The following CDKAL1 variants were observed in gnomAD, a reference collection of about 807,000 sequenced individuals.
The protein encoded by CDKAL1 is CDKAL1 threonylcarbamoyladenosine tRNA methylthiotransferase.
A neutral mutation model predicts 68.2 loss-of-function variants in CDKAL1; 32 were observed. That is an observed-to-expected ratio of 0.47 (90% confidence interval 0.35 to 0.63). The LOEUF is 0.63. Among genes scored for constraint, CDKAL1 ranks in the 30% least tolerant of loss-of-function variants. The probability of loss-of-function intolerance (pLI) is 0.00; values close to 1 mark genes in which losing one functional copy is unlikely to be tolerated. For missense variants in CDKAL1, 606 were observed against 696.7 expected, an observed-to-expected ratio of 0.87 and a Z score of 1.47; for synonymous variants, 234 against 244.3, an observed-to-expected ratio of 0.96 and a Z score of 0.39.
At position 20,714,457 on chromosome 6, in the gene CDKAL1, T is replaced by C. The variant is rs148944139; in HGVS notation, c.372-25062T>C. Among the ~76,000 whole-genome samples, 373 of 141,156 alleles carry C rather than the reference T, an allele frequency of 2.6e-3. 5 individuals are homozygous for C. The highest frequency in any genetic ancestry group is 8.9e-3 in the African/African-American group (347 of 38,802). The allele number at this position is 141,156 out of a possible 152,430, so 92.6% of individuals were successfully genotyped here. A position where few individuals can be genotyped will look rare whatever the true frequency, so the allele number is the denominator to read the frequency against. ...AGACTGGAGTGTAGTGGTACAATCA[T>C]AGTTCACTGCAGCCTTGATTTCCCA... is the stretch of plus-strand genomic sequence containing the variant. On this transcript the variant is annotated intron_variant, in intron 5 of 15. Transcript: ENST00000274695.
intron 4 of CDKAL1, among the ~76,000 whole-genome samples, chr6:20,638,363 A>C (rs368110803): frequency 2.4e-4 from 36 of 152,204 alleles, no homozygotes; most frequent in Non-Finnish European, 4.3e-4. Context: ...CTCTCAGTTC[A>C]TATTTGTTGC....
intron 6 of CDKAL1, among the ~76,000 whole-genome samples, chr6:20,740,013 C>G (rs906756110): frequency 6.6e-6 from 1 of 152,184 alleles, no homozygotes; most frequent in Non-Finnish European, 1.5e-5. Flanking sequence ...CCTACCACCA[C>G]AAGTCTCAGC....
rs537205592 is a variant in CDKAL1, at chr6:20,947,069, A to C, written c.743-8350A>C. Among the ~76,000 whole-genome samples, 32 of 152,282 alleles carry C rather than the reference A, an allele frequency of 2.1e-4. 1 individual carries two copies. The highest frequency in any genetic ancestry group is 2.0e-4 in the Admixed American group (3 of 15,292). On this transcript the variant is annotated intron_variant, in intron 9 of 15. Coordinates refer to ENST00000274695, the MANE Select transcript of CDKAL1 (RefSeq NM_017774.3). Reference sequence around the variant, plus strand: ...AGTATCTGGTACATAATAGGTGTTCAACAATTACTTGCTAGAAGGAGTCAA... The same window carrying C: ...AGTATCTGGTACATAATAGGTGTTCCACAATTACTTGCTAGAAGGAGTCAA...
intron 9 of CDKAL1, among the ~76,000 whole-genome samples, chr6:20,862,638 TGTG>T: frequency 4.1e-5 from 1 of 24,280 alleles, no homozygotes; most frequent in South Asian, 9.2e-4. Context: ...TTCCAACTTG[TGTG>T]TGTGTGTGTG....
chr6:20,784,211 T>TAA (rs1177608844), intron 8 of CDKAL1, among the ~76,000 whole-genome samples: 8 of 135,408 alleles, frequency 5.9e-5, no homozygotes, highest in Admixed American at 7.4e-5. Flanking sequence ...GACTCCGTCT[T>TAA]AAAAAAAAAA....
chr6:20,941,610 G>C (rs1212278619), intron 9 of CDKAL1, among the ~76,000 whole-genome samples: 1 of 152,090 alleles, frequency 6.6e-6, no homozygotes, highest in Admixed American at 6.5e-5. Flanking sequence ...GTTACCCATA[G>C]TGCCAAAAAA....
chr6:20,607,763 C>T (rs1766396414), intron 4 of CDKAL1, among the ~76,000 whole-genome samples: 2 of 151,858 alleles, frequency 1.3e-5, no homozygotes, highest in Admixed American at 1.3e-4. Flanking sequence ...GGTGCGATCT[C>T]AGCTCACTGC....
chr6:20,645,783 A>G (rs958789739), intron 4 of CDKAL1, among the ~76,000 whole-genome samples: 10 of 150,270 alleles, frequency 6.7e-5, no homozygotes, highest in Middle Eastern at 3.4e-3. Flanking sequence ...TATTTTATTT[A>G]TTTATTTTAT....
At chr6:20,534,996 C>T (rs1342440170) in intron 1 of CDKAL1, 2 of 152,152 alleles carry the variant, frequency 1.3e-5, no homozygotes, top group African/African-American at 4.8e-5. Context: ...GCTCATAAAA[C>T]CTTTTTCTGA....
chr6:21,159,849 C>T (rs1318102462), intron 13 of CDKAL1, among the ~76,000 whole-genome samples: 3 of 152,200 alleles, frequency 2.0e-5, no homozygotes, highest in Non-Finnish European at 4.4e-5. Flanking sequence ...TCAAAAATTT[C>T]TCCATAGTTC....
intron 10 of CDKAL1, among the ~76,000 whole-genome samples, chr6:20,963,541 T>C (rs1170055899): frequency 1.3e-5 from 2 of 152,210 alleles, no homozygotes; most frequent in East Asian, 3.8e-4. Context: ...AGCCTCATGA[T>C]TACATGTAGA....
At chr6:20,852,816 T>C (rs1027297279) in intron 9 of CDKAL1, among the ~76,000 whole-genome samples, 1 of 152,340 alleles carries the variant, frequency 6.6e-6, no homozygotes, top group Non-Finnish European at 1.5e-5. Flanking sequence ...GTGGTTGAAG[T>C]AGAAGTGGGG....
chr6:20,854,070 G>A (rs919240561), intron 9 of CDKAL1, among the ~76,000 whole-genome samples: 5 of 152,166 alleles, frequency 3.3e-5, no homozygotes, highest in African/African-American at 1.2e-4. Context: ...TGCATAGATA[G>A]GAATTACGAT....
At chr6:20,954,074 GAT>G (rs1397776480) in intron 9 of CDKAL1, among the ~76,000 whole-genome samples, 1 of 152,112 alleles carries the variant, frequency 6.6e-6, no homozygotes, top group Non-Finnish European at 1.5e-5. Flanking sequence ...GTCTCAGAAA[GAT>G]AGACAGGCAG....
intron 9 of CDKAL1, among the ~76,000 whole-genome samples, chr6:20,886,673 A>C (rs1326568604): frequency 6.6e-6 from 1 of 152,216 alleles, no homozygotes; most frequent in Non-Finnish European, 1.5e-5. Context: ...ATTTATGTGA[A>C]ATATCTAGGG....
At chr6:20,568,156 C>T (rs1581738555) in intron 4 of CDKAL1, among the ~76,000 whole-genome samples, 1 of 151,810 alleles carries the variant, frequency 6.6e-6, no homozygotes, top group Admixed American at 6.6e-5. Flanking sequence ...GGATTACAGG[C>T]GTGAGCCACC....
intron 7 of CDKAL1, among the ~76,000 whole-genome samples, chr6:20,776,427 A>C (rs1775172963): frequency 6.6e-6 from 1 of 152,184 alleles, no homozygotes; most frequent in Non-Finnish European, 1.5e-5. Flanking sequence ...TAAAGTACTA[A>C]ATGTTTCTTA....
chr6:20,914,224 AG>A (rs1762616986), intron 9 of CDKAL1, among the ~76,000 whole-genome samples: 1 of 152,184 alleles, frequency 6.6e-6, no homozygotes, highest in African/African-American at 2.4e-5. Context: ...TGGGAGGCGC[AG>A]CTTGCAGTGA....
At chr6:20,687,341 A>G (rs1770672494) in intron 5 of CDKAL1, among the ~76,000 whole-genome samples, 1 of 152,122 alleles carries the variant, frequency 6.6e-6, no homozygotes, top group Non-Finnish European at 1.5e-5. Flanking sequence ...TTATTGATTC[A>G]ATTTATTTAA....
Sources: allele counts gnomAD v4.1 joint callset (sites outside exome capture counted in the v4.1 genomes callset), GRCh38; gene constraint gnomAD v4.1.1; transcripts MANE v1.5; gene names NCBI Gene and HGNC (gene_info 2026-07-23, HGNC 2026-07-21).